Variants in FGF13 observed in about 807,000 individuals in gnomAD.
FGF13 encodes fibroblast growth factor homologous factor 2.
In FGF13, 2 loss-of-function variants were observed where a neutral mutation model predicts 19.5. The ratio of observed to expected loss-of-function variants is 0.10; its 90% CI spans 0.04 to 0.32. The LOEUF is 0.32. Among genes scored for constraint, FGF13 ranks in the 10% least tolerant of loss-of-function variants. The pLI, the probability that FGF13 is intolerant of heterozygous loss-of-function variation, is 1.00. For missense variants in FGF13, 113 were observed against 192.7 expected, an observed-to-expected ratio of 0.59 and a Z score of 2.45; for synonymous variants, 72 against 76.9, an observed-to-expected ratio of 0.94 and a Z score of 0.33.
At chrX:138,705,690 T>A (rs2089986394) in intron 2 of FGF13, among the ~76,000 whole-genome samples, 1 of 111,996 alleles carries the variant, frequency 8.9e-6, no homozygotes, top group African/African-American at 3.2e-5. Flanking sequence ...AAAGGGACAG[T>A]CTGCCCAGAT....
At chrX:139,116,992 T>C (rs2083644087) in intron 1 of FGF13, among the ~76,000 whole-genome samples, 1 of 111,382 alleles carries the variant, frequency 9.0e-6, no homozygotes, top group African/African-American at 3.3e-5. Context: ...AGCCAAGCTA[T>C]CAATACTACT....
intron 1 of FGF13, among the ~76,000 whole-genome samples, chrX:138,986,092 G>A (rs2091993642): frequency 8.9e-6 from 1 of 111,975 alleles, no homozygotes; most frequent in African/African-American, 3.2e-5. Flanking sequence ...GACAGATGAA[G>A]AACTGGGGCA....
At chrX:138,850,633 G>A (rs1466469606) in intron 3 of FGF13, among the ~76,000 whole-genome samples, 1 of 111,711 alleles carries the variant, frequency 9.0e-6, no homozygotes, top group Non-Finnish European at 1.9e-5. Context: ...TCAAAGGCAG[G>A]GTGGCCCTAA....
At chrX:138,820,270 T>C (rs1244793909) in intron 3 of FGF13, among the ~76,000 whole-genome samples, 4 of 112,042 alleles carry the variant, frequency 3.6e-5, no homozygotes, top group African/African-American at 1.3e-4. Flanking sequence ...ACATCAACTT[T>C]CATAAAACTC....
At chrX:138,930,206 CA>C (rs1417966382) in intron 1 of FGF13, among the ~76,000 whole-genome samples, 3 of 111,483 alleles carry the variant, frequency 2.7e-5, no homozygotes, top group African/African-American at 9.8e-5. Context: ...TTGAGGCCAA[CA>C]TATTTGTTAA....
At chrX:139,075,699 C>T (rs2083327804) in intron 1 of FGF13, among the ~76,000 whole-genome samples, 1 of 111,779 alleles carries the variant, frequency 8.9e-6, no homozygotes, top group South Asian at 3.7e-4. Context: ...TCTCTTTTCC[C>T]GTCTATTTTC....
intron 1 of FGF13, among the ~76,000 whole-genome samples, chrX:139,005,204 C>T (rs501993): frequency 4.4e-5 from 3 of 68,711 alleles, no homozygotes; most frequent in East Asian, 4.5e-4. Flanking sequence ...CCCCCCCCCC[C>T]CCCCCAGCTC....
intron 1 of FGF13, among the ~76,000 whole-genome samples, chrX:139,167,724 A>G (rs2084098028): frequency 1.8e-5 from 2 of 112,287 alleles, no homozygotes; most frequent in Non-Finnish European, 3.8e-5. Flanking sequence ...AGATTGATTC[A>G]GAAATAAATA....
chrX:138,743,631 G>A (rs2090334774), upstream of FGF13, among the ~76,000 whole-genome samples: 1 of 111,143 alleles, frequency 9.0e-6, no homozygotes, highest in Non-Finnish European at 1.9e-5. Flanking sequence ...GAATCACAGG[G>A]TATATGTCAA....
intron 1 of FGF13, among the ~76,000 whole-genome samples, chrX:139,124,182 A>T (rs1307079760): frequency 2.7e-5 from 3 of 112,248 alleles, no homozygotes; most frequent in African/African-American, 9.7e-5. Context: ...CGTCCCTGGG[A>T]TGTGAGTATA....
At chrX:138,844,736 C>G (rs2091170705) in intron 3 of FGF13, among the ~76,000 whole-genome samples, 1 of 110,525 alleles carries the variant, frequency 9.0e-6, no homozygotes, top group Non-Finnish European at 1.9e-5. Context: ...TACAATGTTT[C>G]TATGCCCCAG....
chrX:139,117,362 A>G (rs1219087175), intron 1 of FGF13, among the ~76,000 whole-genome samples: 1 of 111,758 alleles, frequency 8.9e-6, no homozygotes, highest in Non-Finnish European at 1.9e-5. Context: ...ATTAAGCTCT[A>G]TACTTTATGG....
intron 3 of FGF13, among the ~76,000 whole-genome samples, chrX:138,841,116 T>C (rs144900811): frequency 2.1e-3 from 232 of 111,306 alleles, no homozygotes; most frequent in African/African-American, 6.6e-3. Flanking sequence ...TTGGGTAAGT[T>C]ACTTAGCTAA....
intron 1 of FGF13, among the ~76,000 whole-genome samples, chrX:139,023,382 T>C (rs1403460159): frequency 1.8e-5 from 2 of 111,349 alleles, no homozygotes; most frequent in Non-Finnish European, 3.8e-5. Context: ...AAATCTAAAA[T>C]GTATTCTTAG....
chrX:138,877,865 CGTGA>C (rs1226696821), intron 1 of FGF13, among the ~76,000 whole-genome samples: 3 of 112,128 alleles, frequency 2.7e-5, no homozygotes, highest in Non-Finnish European at 3.8e-5. Flanking sequence ...TTGAGCTAAT[CGTGA>C]GTAACACTAC....
At chrX:138,959,002 T>C (rs2091856020) in intron 1 of FGF13, among the ~76,000 whole-genome samples, 1 of 111,987 alleles carries the variant, frequency 8.9e-6, no homozygotes, top group African/African-American at 3.2e-5. Context: ...TTTGAAAGGA[T>C]TTTTGTGTCT....
At chrX:139,064,458 G>A (rs1433655401) in intron 1 of FGF13, among the ~76,000 whole-genome samples, 6 of 79,261 alleles carry the variant, frequency 7.6e-5, no homozygotes, top group Admixed American at 1.4e-4. Context: ...GCCCGCCACC[G>A]CGCCCGGCTA....
At chrX:139,003,409 C>T (rs1261273354) in intron 1 of FGF13, among the ~76,000 whole-genome samples, 1 of 111,557 alleles carries the variant, frequency 9.0e-6, no homozygotes, top group Non-Finnish European at 1.9e-5. Flanking sequence ...TTGCAAAGAG[C>T]GAAAGAACAA....
At chrX:139,201,994 T>G (rs1961160183) in intron 1 of FGF13, among the ~76,000 whole-genome samples, 1 of 112,397 alleles carries the variant, frequency 8.9e-6, no homozygotes, top group South Asian at 3.7e-4. Flanking sequence ...AATTACTCAA[T>G]TCCTACAGAG....
Sources: allele counts gnomAD v4.1 joint callset (sites outside exome capture counted in the v4.1 genomes callset), GRCh38; gene constraint gnomAD v4.1.1; transcripts MANE v1.5; gene names NCBI Gene and HGNC (gene_info 2026-07-23, HGNC 2026-07-21).